RNF32: variants seen among roughly 807,000 people sequenced by gnomAD.
RNF32 encodes ring finger protein 32.
A neutral mutation model predicts 41.0 loss-of-function variants in RNF32; 36 were observed. The observed-to-expected ratio is 0.88, with a 90% CI of 0.67 to 1.16. RNF32 has a LOEUF of 1.16. Ranked by LOEUF, RNF32 falls within the 50% of genes most tolerant of loss-of-function variation. RNF32 has a pLI of 0.00. For synonymous variants in RNF32, 154 were observed against 160.9 expected (o/e 0.96, Z 0.32); for missense variants, 413 against 436.7 (o/e 0.95, Z 0.48).
chr7:156,672,865 T>C (rs554036714), intron 7 of RNF32, among the ~76,000 whole-genome samples: 7 of 152,338 alleles, frequency 4.6e-5, no homozygotes, highest in South Asian at 2.1e-4. Context: ...TTAAATAACT[T>C]TGCATATTTA....
chr7:156,647,159 TTTTA>T (rs756072895), intron 3 of RNF32, among the ~76,000 whole-genome samples: 4 of 152,002 alleles, frequency 2.6e-5, no homozygotes, highest in South Asian at 2.1e-4. Flanking sequence ...GCCTGTTTTT[TTTTA>T]ATTTTTTGTT....
At chr7:156,667,747 A>C (rs1465217307) in intron 7 of RNF32, among the ~76,000 whole-genome samples, 4 of 152,242 alleles carry the variant, frequency 2.6e-5, no homozygotes, top group Non-Finnish European at 5.9e-5. Context: ...ATAGTTAATA[A>C]ATGTTGATTT....
intron 7 of RNF32, among the ~76,000 whole-genome samples, chr7:156,664,642 G>T (rs776538304): frequency 6.6e-6 from 1 of 152,126 alleles, no homozygotes; most frequent in Non-Finnish European, 1.5e-5. Flanking sequence ...TTTTAAAGAT[G>T]TAATCAATGA....
At chr7:156,655,142 A>T (rs1308733678) in intron 4 of RNF32, among the ~76,000 whole-genome samples, 3 of 152,208 alleles carry the variant, frequency 2.0e-5, no homozygotes, top group Non-Finnish European at 4.4e-5. Flanking sequence ...AGAATCTTTA[A>T]GAAAAGTAAA....
intron 1 of RNF32, among the ~76,000 whole-genome samples, chr7:156,642,468 G>A (rs1387039782): frequency 1.3e-5 from 2 of 152,210 alleles, no homozygotes; most frequent in African/African-American, 2.4e-5. Context: ...CCCCTACCAT[G>A]CAGTTTCAAA....
intron 7 of RNF32, among the ~76,000 whole-genome samples, chr7:156,672,064 G>A (rs1479232010): frequency 6.6e-6 from 1 of 152,120 alleles, no homozygotes; most frequent in Non-Finnish European, 1.5e-5. Context: ...ACCTGAGTGT[G>A]GAATTAGTTT....
Position 156,677,107 on chromosome 7 carries a change from T to A in RNF32, c.*452T>A, listed in dbSNP as rs1804207426. 1 of 155,668 alleles carries A rather than the reference T, an allele frequency of 6.4e-6. No homozygotes were observed. Among genetic ancestry groups the A allele is most frequent in the African/African-American group, 2.4e-5 (1 of 41,458 alleles). 9.6% of individuals were successfully genotyped at this position (155,668 alleles called of 1,614,324 possible). On this transcript the variant is annotated 3_prime_UTR_variant, in exon 9 of 9. Transcript: ENST00000317955. ...GTAATAAAATATAAAAATAAAATAT[T>A]CAGTGGTATTCAACATCAAAAAAGT...
chr7:156,665,427 A>G (rs1374021572), intron 7 of RNF32, among the ~76,000 whole-genome samples: 4 of 152,222 alleles, frequency 2.6e-5, no homozygotes, highest in African/African-American at 7.2e-5. Context: ...ATGTGTGGCA[A>G]TTAATAAGAT....
intron 3 of RNF32, among the ~76,000 whole-genome samples, chr7:156,649,419 AT>A (rs1798417752): frequency 6.6e-6 from 1 of 151,274 alleles, no homozygotes; most frequent in Non-Finnish European, 1.5e-5. Flanking sequence ...TTTTTTTTTA[AT>A]CTGGCCAGGA....
intron 3 of RNF32, among the ~76,000 whole-genome samples, chr7:156,647,969 A>G (rs1022073097): frequency 5.3e-5 from 8 of 150,244 alleles, no homozygotes; most frequent in African/African-American, 2.0e-4. Context: ...GGCCATCTGC[A>G]TATCTTCTTT....
chr7:156,647,879 C>A (rs1798182483), intron 3 of RNF32, among the ~76,000 whole-genome samples: 1 of 152,124 alleles, frequency 6.6e-6, no homozygotes, highest in African/African-American at 2.4e-5. Context: ...GTCATTCTTG[C>A]AGGAATAAGG....
At chr7:156,662,844 A>G (rs908690992) in intron 7 of RNF32, among the ~76,000 whole-genome samples, 1 of 149,820 alleles carries the variant, frequency 6.7e-6, no homozygotes, top group Non-Finnish European at 1.5e-5. Context: ...TTTAACAGCC[A>G]TTCTTTTTTT....
intron 7 of RNF32, chr7:156,658,912 T>C (rs1800162063): frequency 1.3e-6 from 2 of 1,547,046 alleles, no homozygotes; most frequent in Non-Finnish European, 1.7e-6. Context: ...GGGCTATATG[T>C]AAATGAAGAC....
rs137928722 is a variant in RNF32, at chr7:156,643,968, A to G, written c.15+76A>G. ...TTTTAATTCAGCCATTTGAGAGTAT[A>G]AAAACTAGTTTGCAAACCCTGCTTG... On this transcript the variant is annotated intron_variant, in intron 2 of 8. Transcript: ENST00000317955. The G allele has an allele frequency of 2.6e-5, 35 of 1,367,164 alleles. No homozygotes were observed. In the African/African-American group the frequency reaches 3.1e-4, roughly 12 times the overall value. The allele number at this position is 1,367,164 out of a possible 1,614,324, so 84.7% of individuals were successfully genotyped here.
At chr7:156,665,304 G>C (rs1314295532) in intron 7 of RNF32, among the ~76,000 whole-genome samples, 1 of 152,020 alleles carries the variant, frequency 6.6e-6, no homozygotes, top group Non-Finnish European at 1.5e-5. Flanking sequence ...CGTAGTATGG[G>C]AAGCCACCCC....
intron 7 of RNF32, among the ~76,000 whole-genome samples, chr7:156,662,929 C>G (rs1800850747): frequency 6.6e-6 from 1 of 150,660 alleles, no homozygotes; most frequent in Non-Finnish European, 1.5e-5. Flanking sequence ...CACACTGCAA[C>G]CTCCGCCTCC....
At chr7:156,660,362 A>C (rs1402285741) in intron 7 of RNF32, 1 of 917,656 alleles carries the variant, frequency 1.1e-6, no homozygotes, top group Non-Finnish European at 1.3e-6. Flanking sequence ...CTTGTATATT[A>C]CAAATGTGGT....
intron 7 of RNF32, 138 bp downstream of exon 7, chr7:156,658,708 C>A: frequency 1.3e-6 from 1 of 760,338 alleles, no homozygotes; most frequent in Admixed American, 2.7e-5. Flanking sequence ...TGAGATGCTG[C>A]TAAAAATCCT....
chr7:156,665,261 G>A (rs1456720336), intron 7 of RNF32, among the ~76,000 whole-genome samples: 1 of 152,212 alleles, frequency 6.6e-6, no homozygotes, highest in East Asian at 1.9e-4. Flanking sequence ...GCTTTGTAAT[G>A]TAGTGAAATT....
Sources: allele counts gnomAD v4.1 joint callset (sites outside exome capture counted in the v4.1 genomes callset), GRCh38; gene constraint gnomAD v4.1.1; transcripts MANE v1.5; gene names NCBI Gene and HGNC (gene_info 2026-07-23, HGNC 2026-07-21).